The following CAST variants were observed in gnomAD, a reference collection of about 807,000 sequenced individuals.
The protein encoded by CAST is calpastatin.
Under a neutral mutation model 119.6 loss-of-function variants are expected in CAST, and 76 were observed. The observed-to-expected ratio is 0.64, with a 90% CI of 0.53 to 0.77. The LOEUF (loss-of-function observed/expected upper bound fraction) is 0.77. Among genes scored for constraint, CAST ranks in the 30% least tolerant of loss-of-function variants. The pLI, the probability that CAST is intolerant of heterozygous loss-of-function variation, is 0.00. For missense variants in CAST, 953 were observed against 946.5 expected (o/e 1.01, Z -0.09); for synonymous variants, 319 against 331.6 (o/e 0.96, Z 0.41).
At chr5:96,426,358 TTCTC>T in the CAST span, among the ~76,000 whole-genome samples, 9 of 152,184 alleles carry the variant, frequency 5.9e-5, no homozygotes, top group Admixed American at 5.9e-4. Flanking sequence ...ATAGATTAAT[TTCTC>T]TGTCTTTACA....
the CAST span, among the ~76,000 whole-genome samples, chr5:96,332,133 T>A: frequency 6.6e-6 from 1 of 152,176 alleles, no homozygotes; most frequent in Non-Finnish European, 1.5e-5. Context: ...CTGGAAAGTT[T>A]ATACAAGAGA....
intron 1 of CAST, among the ~76,000 whole-genome samples, chr5:96,572,750 G>A (rs527550426): frequency 2.0e-4 from 31 of 152,266 alleles, no homozygotes; most frequent in Admixed American, 1.9e-3. Context: ...TGCTTGTGCT[G>A]GTCTCTACAC....
At chr5:96,459,868 C>G in the CAST span, among the ~76,000 whole-genome samples, 6 of 152,128 alleles carry the variant, frequency 3.9e-5, no homozygotes, top group African/African-American at 1.4e-4. Context: ...TCTAGGTAAG[C>G]AAGACACAAA....
chr5:96,611,116 C>A (rs1747352922), intron 1 of CAST, among the ~76,000 whole-genome samples: 1 of 152,120 alleles, frequency 6.6e-6, no homozygotes, highest in Admixed American at 6.6e-5. Context: ...ATCAAATTAC[C>A]AACATTATTT....
the CAST span, among the ~76,000 whole-genome samples, chr5:96,171,950 G>C: frequency 7.0e-6 from 1 of 142,236 alleles, no homozygotes; most frequent in East Asian, 2.5e-4. Flanking sequence ...TCCGAGTCAC[G>C]GCACCAAATT....
At chr5:96,430,873 TC>T in the CAST span, among the ~76,000 whole-genome samples, 1 of 152,212 alleles carries the variant, frequency 6.6e-6, no homozygotes, top group Admixed American at 6.5e-5. Context: ...TCAAAGATCC[TC>T]CCAAGAATGA....
At chr5:96,573,619 G>A (rs1011669610) in intron 1 of CAST, among the ~76,000 whole-genome samples, 1 of 139,042 alleles carries the variant, frequency 7.2e-6, no homozygotes, top group Non-Finnish European at 1.5e-5. Flanking sequence ...TAGCCTGGGT[G>A]GCAGAGCAAC....
the CAST span, among the ~76,000 whole-genome samples, chr5:96,481,330 A>G: frequency 6.6e-6 from 1 of 152,170 alleles, no homozygotes; most frequent in Non-Finnish European, 1.5e-5. Context: ...CTTCTTTTAG[A>G]TCCTTTAAAC....
At chr5:96,581,913 T>C (rs1222498415) in intron 1 of CAST, among the ~76,000 whole-genome samples, 1 of 151,506 alleles carries the variant, frequency 6.6e-6, no homozygotes, top group Non-Finnish European at 1.5e-5. Context: ...AATAAATAAA[T>C]AAATAAACAA....
the CAST span, among the ~76,000 whole-genome samples, chr5:96,196,587 T>C: frequency 6.6e-6 from 1 of 152,158 alleles, no homozygotes; most frequent in African/African-American, 2.4e-5. Flanking sequence ...ACTTGAGCAC[T>C]GTGAGCAGCT....
chr5:96,147,340 C>T, the CAST span, among the ~76,000 whole-genome samples: 1 of 152,178 alleles, frequency 6.6e-6, no homozygotes, highest in Admixed American at 6.5e-5. Flanking sequence ...CGCGGTGGCT[C>T]ACGCCTGTAA....
At chr5:96,240,301 G>A in the CAST span, among the ~76,000 whole-genome samples, 2 of 151,670 alleles carry the variant, frequency 1.3e-5, no homozygotes, top group Non-Finnish European at 2.9e-5. Context: ...TCACAGATCT[G>A]TCTCCCACAG....
At chr5:96,527,748 A>C (rs1224723048), upstream of CAST, among the ~76,000 whole-genome samples, 3 of 152,186 alleles carry the variant, frequency 2.0e-5, no homozygotes, top group Non-Finnish European at 4.4e-5. Context: ...AATCTCATCA[A>C]ACCAAATTTG....
At chr5:96,069,843 C>T in the CAST span, among the ~76,000 whole-genome samples, 1,072 of 149,986 alleles carry the variant, frequency 7.1e-3, 12 homozygotes, top group African/African-American at 0.024. Flanking sequence ...CATGTAGATG[C>T]GGAGATTGGC....
the CAST span, among the ~76,000 whole-genome samples, chr5:96,363,660 G>A: frequency 6.6e-6 from 1 of 152,158 alleles, no homozygotes; most frequent in Non-Finnish European, 1.5e-5. Context: ...GTATAAGAAT[G>A]CTTGTGATTT....
At chr5:96,655,494 T>C (rs1284365557) in intron 1 of CAST, among the ~76,000 whole-genome samples, 3 of 152,246 alleles carry the variant, frequency 2.0e-5, no homozygotes, top group Non-Finnish European at 2.9e-5. Context: ...CAAATGCAGA[T>C]GGCTCTCCAC....
At chr5:96,253,608 A>G in the CAST span, among the ~76,000 whole-genome samples, 1 of 152,114 alleles carries the variant, frequency 6.6e-6, no homozygotes, top group Non-Finnish European at 1.5e-5. Context: ...AGTGTAATGA[A>G]GACTGTCTCA....
At chr5:96,284,831 C>T in the CAST span, among the ~76,000 whole-genome samples, 7 of 152,116 alleles carry the variant, frequency 4.6e-5, no homozygotes, top group Non-Finnish European at 8.8e-5. Flanking sequence ...TAGAGAAGGA[C>T]ATGCACTTAT....
At chr5:96,756,084 T>C (rs1766263220) in intron 22 of CAST, among the ~76,000 whole-genome samples, 2 of 152,320 alleles carry the variant, frequency 1.3e-5, no homozygotes, top group Non-Finnish European at 2.9e-5. Flanking sequence ...ACGTTATTAG[T>C]TACCTATTAA....
Sources: gnomAD v4.1 joint callset for allele counts (sites outside exome capture counted in the v4.1 genomes callset) on GRCh38, gnomAD v4.1.1 for gene constraint, MANE v1.5 for transcripts, NCBI Gene and HGNC (gene_info 2026-07-23, HGNC 2026-07-21) for gene names.